The following ITGAV variants were observed in gnomAD, a reference collection of about 807,000 sequenced individuals.
The protein encoded by ITGAV is integrin subunit alpha V.
A neutral mutation model predicts 143.8 loss-of-function variants in ITGAV; 76 were observed. The ratio of observed to expected loss-of-function variants is 0.53; its 90% CI spans 0.44 to 0.64. ITGAV has a LOEUF of 0.64. Among genes scored for constraint, ITGAV ranks in the 30% least tolerant of loss-of-function variants. The probability of loss-of-function intolerance (pLI) is 0.00; values close to 1 mark genes in which losing one functional copy is unlikely to be tolerated. For missense variants in ITGAV, 1,193 were observed against 1,274.7 expected (o/e 0.94, Z 0.98); for synonymous variants, 453 against 446.7 (o/e 1.01, Z -0.18).
chr2:186,658,488 A>G (rs1386581378), intron 17 of ITGAV, among the ~76,000 whole-genome samples: 1 of 152,198 alleles, frequency 6.6e-6, no homozygotes, highest in Non-Finnish European at 1.5e-5. Flanking sequence ...AATCACAGCA[A>G]TTTCTGTAAT....
chr2:186,624,811 CTA>C (rs1687628702), intron 3 of ITGAV, among the ~76,000 whole-genome samples: 1 of 151,998 alleles, frequency 6.6e-6, no homozygotes, highest in African/African-American at 2.4e-5. Flanking sequence ...TCTTAATAAA[CTA>C]TTTGCTGTAT....
At chr2:186,665,070 G>T in intron 20 of ITGAV, 56 bp from the exon 21 acceptor site, 2 of 1,109,494 alleles carry the variant, frequency 1.8e-6, no homozygotes, top group East Asian at 2.4e-5. Context: ...ATCCAACTGC[G>T]TGATACTTTA....
chr2:186,679,214 T>C lies in ITGAV; in HGVS notation c.*1922T>C, dbSNP rs891356726. The stretch of plus-strand genomic sequence containing the variant: ...CAGTTTTACCACCTAGTAACAGTCA[T>C]TTCTGAAAATATGTTGGATAGAAAG... On this transcript the variant is annotated 3_prime_UTR_variant, in exon 30 of 30. Transcript: ENST00000261023. 6 of 152,056 alleles carry C rather than the reference T, an allele frequency of 3.9e-5. No homozygotes were observed. The highest frequency in any genetic ancestry group is 1.4e-4 in the African/African-American group (6 of 41,442). The allele number at this position is 152,056 out of a possible 1,614,324, so 9.4% of individuals were successfully genotyped here.
chr2:186,638,328 A>G lies in ITGAV; in HGVS notation c.846+8A>G. 6.2e-7 allele frequency: 1 copy of G among 1,612,996 alleles called. No individual in the cohort carries two copies. The highest frequency in any genetic ancestry group is 8.5e-7 in the Non-Finnish European group (1 of 1,179,024). ...GCAAGGACTTTGGGAATGGTAGGAC[A>G]GTTAAAAGGTATTTTTTAAAAAATC... On this transcript the variant is annotated splice_region_variant and intron_variant, in intron 9 of 29. Transcript: ENST00000261023.
chr2:186,619,943 G>T (rs1687476731), intron 2 of ITGAV, among the ~76,000 whole-genome samples: 1 of 151,932 alleles, frequency 6.6e-6, no homozygotes, highest in Admixed American at 6.6e-5. Flanking sequence ...AGTGAGCTGA[G>T]ATCGCGCCAC....
rs935000688 is a variant in ITGAV at position 186,654,523 on chromosome 2, A to G, written c.1506-127A>G. ...AGTTTCATGTTTTTAGAATAATATT[A>G]AGACATGAAGAAAGATGTAAGGCTT... On this transcript the variant is annotated intron_variant, in intron 15 of 29. Transcript: ENST00000261023. The G allele has an allele frequency of 2.0e-4, 106 of 533,508 alleles. 2 individuals carry two copies. Among genetic ancestry groups the G allele is most frequent in the Admixed American group, 4.0e-4 (11 of 27,540 alleles). 33.0% of individuals were successfully genotyped at this position (533,508 alleles called of 1,614,324 possible). A position where few individuals can be genotyped will look rare whatever the true frequency, so the allele number is the denominator to read the frequency against.
At chr2:186,604,332 A>T (rs573912669) in intron 2 of ITGAV, among the ~76,000 whole-genome samples, 2 of 152,258 alleles carry the variant, frequency 1.3e-5, no homozygotes, top group African/African-American at 4.8e-5. Flanking sequence ...CGGCATATGA[A>T]TTTACCTCAT....
chr2:186,665,508 A>G (rs1415244448), intron 21 of ITGAV, among the ~76,000 whole-genome samples: 5 of 152,142 alleles, frequency 3.3e-5, no homozygotes, highest in South Asian at 2.1e-4. Context: ...AATTTTTGCT[A>G]TTTTACACTG....
intron 4 of ITGAV, among the ~76,000 whole-genome samples, chr2:186,629,736 G>T (rs1687767697): frequency 6.6e-6 from 1 of 151,906 alleles, no homozygotes; most frequent in Non-Finnish European, 1.5e-5. Flanking sequence ...CCTGTATTTG[G>T]GTGGCAAACA....
rs1442294848 is a variant in ITGAV at position 186,678,674 on chromosome 2, A to G, written c.*1382A>G. On this transcript the variant is annotated 3_prime_UTR_variant, in exon 30 of 30. Coordinates refer to ENST00000261023, the MANE Select transcript of ITGAV (RefSeq NM_002210.5). ...GTAGAGTGGTGAACCTTCTAGAGGA[A>G]TATATGATTTATTCACAGTTCCTCA... 2 of 454,516 alleles carry G rather than the reference A, an allele frequency of 4.4e-6. No individual in the cohort carries two copies. Among genetic ancestry groups the G allele is most frequent in the African/African-American group, 4.0e-5 (2 of 50,012 alleles). 28.2% of individuals were successfully genotyped at this position (454,516 alleles called of 1,614,324 possible).
chr2:186,661,584 T>G (rs1370380755), intron 18 of ITGAV, among the ~76,000 whole-genome samples: 1 of 108,272 alleles, frequency 9.2e-6, no homozygotes. Flanking sequence ...ACACATTAAG[T>G]TTTTTTTGTT....
chr2:186,607,333 T>C (rs879505336), intron 2 of ITGAV, among the ~76,000 whole-genome samples: 1 of 152,182 alleles, frequency 6.6e-6, no homozygotes, highest in African/African-American at 2.4e-5. Flanking sequence ...TTACAACACT[T>C]TGTCATTATT....
intron 13 of ITGAV, 26 bp from the exon 14 acceptor site, chr2:186,649,814 A>T: frequency 6.7e-7 from 1 of 1,500,884 alleles, no homozygotes. Context: ...TATCATTATT[A>T]ACATGTTTTT....
chr2:186,646,424 G>A (rs1046182237), intron 12 of ITGAV, among the ~76,000 whole-genome samples: 2 of 152,126 alleles, frequency 1.3e-5, no homozygotes, highest in African/African-American at 2.4e-5. Context: ...TGTCTTTTCT[G>A]TACAGTTTTG....
intron 17 of ITGAV, among the ~76,000 whole-genome samples, chr2:186,657,248 A>G (rs558892592): frequency 5.3e-5 from 8 of 152,276 alleles, no homozygotes; most frequent in African/African-American, 1.9e-4. Flanking sequence ...AAACAAGACA[A>G]AAACATCAGT....
intron 1 of ITGAV, among the ~76,000 whole-genome samples, chr2:186,598,163 T>C (rs1686797835): frequency 6.6e-6 from 1 of 152,126 alleles, no homozygotes; most frequent in South Asian, 2.1e-4. Context: ...CCTGAACTGT[T>C]CTTTTGTTCT....
rs757658780 is a variant in ITGAV at position 186,641,478 on chromosome 2, A to T, written c.1049A>T (p.Gln350Leu). 6.2e-7 allele frequency: 1 copy of T among 1,614,094 alleles called. No homozygotes were observed. Among genetic ancestry groups the T allele is most frequent in the South Asian group, 1.1e-5 (1 of 91,080 alleles). ...QEVGQVSVSL[Q>L]RASGDFQTTK... ...GTGGGGCAGGTCTCAGTGTCTCTAC[A>T]GAGAGCTTCAGGAGACTTCCAGACG... Residue 350 changes from glutamine to leucine, a missense_variant, in exon 12 of 30, where the codon CAG becomes CTG. Transcript: ENST00000261023.
At chr2:186,655,865 A>T (rs2105731729) in intron 16 of ITGAV, among the ~76,000 whole-genome samples, 1 of 152,284 alleles carries the variant, frequency 6.6e-6, no homozygotes, top group African/African-American at 2.4e-5. Context: ...AATACTTCTT[A>T]ATCAAAATCA....
At chr2:186,641,016 G>A (rs1466833316) in intron 11 of ITGAV, 49 bp downstream of exon 11, 5 of 1,338,954 alleles carry the variant, frequency 3.7e-6, no homozygotes, top group African/African-American at 1.5e-5. Flanking sequence ...TCATGTTTAC[G>A]AATACTTTAC....
Sources: gnomAD v4.1 joint callset for allele counts (sites outside exome capture counted in the v4.1 genomes callset) on GRCh38, gnomAD v4.1.1 for gene constraint, MANE v1.5 for transcripts, NCBI Gene and HGNC (gene_info 2026-07-23, HGNC 2026-07-21) for gene names.